Variants in COG5 observed in about 807,000 individuals in gnomAD.
COG5 encodes the protein component of oligomeric golgi complex 5.
Under a neutral mutation model 110.4 loss-of-function variants are expected in COG5, and 86 were observed. The observed-to-expected ratio is 0.78, with a 90% confidence interval of 0.65 to 0.93. The LOEUF is 0.93. Among genes scored for constraint, COG5 ranks in the 40% least tolerant of loss-of-function variants. The pLI, the probability that COG5 is intolerant of heterozygous loss-of-function variation, is 0.00. For missense variants in COG5, 1,077 were observed against 987.0 expected, an observed-to-expected ratio of 1.09 and a Z score of -1.22; for synonymous variants, 360 against 334.6, an observed-to-expected ratio of 1.08 and a Z score of -0.83.
intron 6 of COG5, among the ~76,000 whole-genome samples, chr7:107,431,849 T>C (rs1187463279): frequency 6.6e-6 from 1 of 152,094 alleles, no homozygotes. Context: ...AGAGACAATG[T>C]CTCACTTTGT....
chr7:107,392,419 A>T (rs1790686537), intron 7 of COG5, among the ~76,000 whole-genome samples: 1 of 152,184 alleles, frequency 6.6e-6, no homozygotes, highest in African/African-American at 2.4e-5. Context: ...AGTATAGAGA[A>T]GTTAAGAGAC....
rs188563514 is a variant in COG5 at position 107,420,316 on chromosome 7, T to C, written c.539-7684A>G. Among the ~76,000 whole-genome samples, 530 of 152,166 alleles carry C rather than the reference T, an allele frequency of 3.5e-3. 3 individuals are homozygous for C. Among genetic ancestry groups the C allele is most frequent in the Non-Finnish European group, 4.6e-3 (313 of 67,972 alleles). ...TGCATGAAGCACGTTTTGTAGACCA[T>C]AAACAACTACATGTAAGTTATTAGT... On this transcript the variant is annotated intron_variant, in intron 6 of 21. Coordinates refer to ENST00000297135, the MANE Select transcript of COG5 (RefSeq NM_006348.5).
chr7:107,491,343 T>C (rs1797963508), intron 6 of COG5, among the ~76,000 whole-genome samples: 1 of 152,064 alleles, frequency 6.6e-6, no homozygotes, highest in Non-Finnish European at 1.5e-5. Context: ...AGCTGGAGGA[T>C]GTGGGTTATC....
At chr7:107,538,625 A>G (rs1801759735) in intron 5 of COG5, among the ~76,000 whole-genome samples, 1 of 152,176 alleles carries the variant, frequency 6.6e-6, no homozygotes, top group Non-Finnish European at 1.5e-5. Flanking sequence ...TAGAATCTTC[A>G]TACATTGTTG....
intron 7 of COG5, among the ~76,000 whole-genome samples, chr7:107,376,082 C>G (rs540165946): frequency 6.6e-6 from 1 of 152,130 alleles, no homozygotes; most frequent in Non-Finnish European, 1.5e-5. Context: ...CACCCGCACT[C>G]CCGAAAAGTC....
chr7:107,415,612 A>T (rs935252241), intron 6 of COG5, among the ~76,000 whole-genome samples: 2 of 151,998 alleles, frequency 1.3e-5, no homozygotes, highest in East Asian at 1.9e-4. Context: ...TAATAATTTT[A>T]AAAAAGAAGA....
intron 6 of COG5, among the ~76,000 whole-genome samples, chr7:107,430,333 T>C (rs1017983826): frequency 1.3e-5 from 2 of 152,254 alleles, no homozygotes; most frequent in Non-Finnish European, 2.9e-5. Context: ...GGACAATTTT[T>C]TGAAAAGACT....
intron 15 of COG5, 133 bp downstream of exon 15, chr7:107,258,140 T>C (rs1239907283): frequency 3.1e-6 from 2 of 645,960 alleles, no homozygotes; most frequent in Non-Finnish European, 5.5e-6. Flanking sequence ...AGTTAACTCC[T>C]TAGTTTATTT....
intron 7 of COG5, among the ~76,000 whole-genome samples, chr7:107,401,546 ATCATTT>A: frequency 6.6e-6 from 1 of 152,198 alleles, no homozygotes; most frequent in African/African-American, 2.4e-5. Flanking sequence ...ACAGCAAATT[ATCATTT>A]GAAGGTCATA....
rs139283857 is a variant in COG5 at position 107,497,351 on chromosome 7, T to C, written c.538+29886A>G. ...GGCATTCAAATCAAAAGGAAAGTAG[T>C]AAAACTGTCCCTGTTTGCAGATAAC... On this transcript the variant is annotated intron_variant, in intron 6 of 21. Coordinates refer to ENST00000297135, the MANE Select transcript of COG5 (RefSeq NM_006348.5). Among the ~76,000 whole-genome samples, 186 of 152,248 alleles carry C rather than the reference T, an allele frequency of 1.2e-3. 1 individual carries two copies. The highest frequency in any genetic ancestry group is 4.1e-3 in the African/African-American group (169 of 41,566).
Position 107,527,277 on chromosome 7 carries a change from A to G in COG5, c.498T>C (p.Ser166=), listed in dbSNP as rs1320965448. ...TCTGAGCAGCTTTTGTTATCTCTCTACTTCCCCCTTGCAGTTGTCCTTGGA... is the reference window on the plus strand; with the variant it reads ...TCTGAGCAGCTTTTGTTATCTCTCTGCTTCCCCCTTGCAGTTGTCCTTGGA... ...KRLQGQLQGG[S]REITKAAQSL... The change falls in exon 6 of 22, where the codon AGT becomes AGC. Residue 166 remains serine, a synonymous_variant. Transcript: ENST00000297135. 27 of 1,609,630 alleles carry G rather than the reference A, an allele frequency of 1.7e-5. No individual in the cohort carries two copies. The highest frequency in any genetic ancestry group is 2.1e-5 in the Non-Finnish European group (25 of 1,177,684).
intron 5 of COG5, among the ~76,000 whole-genome samples, chr7:107,534,002 A>G (rs1454687271): frequency 6.6e-6 from 1 of 151,614 alleles, no homozygotes; most frequent in Non-Finnish European, 1.5e-5. Flanking sequence ...AGAGAGTAGC[A>G]GCCAATACTT....
At chr7:107,524,408 G>T (rs895277691) in intron 6 of COG5, among the ~76,000 whole-genome samples, 2 of 152,248 alleles carry the variant, frequency 1.3e-5, no homozygotes, top group East Asian at 1.9e-4. Context: ...TTAATTTCAA[G>T]GGTCTATGGT....
intron 6 of COG5, among the ~76,000 whole-genome samples, chr7:107,422,488 C>G (rs891030033): frequency 6.6e-6 from 1 of 151,928 alleles, no homozygotes; most frequent in Non-Finnish European, 1.5e-5. Context: ...GATTGTGCCA[C>G]TGTACTCCAG....
chr7:107,239,555 T>C, intron 17 of COG5, among the ~76,000 whole-genome samples: 1 of 152,242 alleles, frequency 6.6e-6, no homozygotes, highest in East Asian at 1.9e-4. Context: ...GTATGGACCT[T>C]TTAACAATAT....
At chr7:107,471,449 G>A (rs1485011776) in intron 6 of COG5, 1 of 152,048 alleles carries the variant, frequency 6.6e-6, no homozygotes, top group Non-Finnish European at 1.5e-5. Context: ...CTAGCTGTCT[G>A]AACTACGAAC....
chr7:107,482,311 T>TAA (rs112413859), intron 6 of COG5, among the ~76,000 whole-genome samples: 2 of 147,220 alleles, frequency 1.4e-5, no homozygotes, highest in African/African-American at 5.0e-5. Context: ...CCCAGCTAAT[T>TAA]AAAAAAAAAA....
In COG5 at chr7:107,248,490, C is replaced by T. The variant is rs1802222767; in HGVS notation, c.1759G>A (p.Ala587Thr). 3 of 1,568,888 alleles carry T rather than the reference C, an allele frequency of 1.9e-6. No individual in the cohort carries two copies. The highest frequency in any genetic ancestry group is 2.3e-5 in the East Asian group (1 of 44,332). Residue 587 changes from alanine (A) to threonine (T), a missense_variant, in exon 17 of 22, where the codon GCT becomes ACT. Physicochemically the swap from Ala to Thr is moderately conservative, Grantham distance 58. Coordinates refer to ENST00000297135, the MANE Select transcript of COG5 (RefSeq NM_006348.5). ...TIISALKAIH[A>T]LMENAVQPLL... ...GGTTGCACAGCATTTTCCATAAGAG[C>T]ATGAATAGCCTAAAAAAAAAAAAGA...
At chr7:107,415,816 AC>A (rs1792715977) in intron 6 of COG5, among the ~76,000 whole-genome samples, 1 of 102,652 alleles carries the variant, frequency 9.7e-6, no homozygotes, top group African/African-American at 3.2e-5. Context: ...ATATATACAC[AC>A]ATACACGTAT....
Sources: allele counts gnomAD v4.1 joint callset (sites outside exome capture counted in the v4.1 genomes callset), GRCh38; gene constraint gnomAD v4.1.1; transcripts MANE v1.5; gene names NCBI Gene and HGNC (gene_info 2026-07-23, HGNC 2026-07-21).